The following CNKSR3 variants were observed in gnomAD, a reference collection of about 807,000 sequenced individuals.
CNKSR3 encodes the protein connector enhancer of kinase suppressor of ras 3.
CNKSR3 carries 36 observed loss-of-function variants against 67.7 expected under a neutral mutation model. The ratio of observed to expected loss-of-function variants is 0.53; its 90% CI spans 0.41 to 0.70. CNKSR3 has a LOEUF of 0.70. CNKSR3 is among the 30% of genes least tolerant of loss of function. CNKSR3 has a pLI of 0.00. For missense variants in CNKSR3, 630 were observed against 695.2 expected, an observed-to-expected ratio of 0.91 and a Z score of 1.05; for synonymous variants, 281 against 271.4, an observed-to-expected ratio of 1.04 and a Z score of -0.35.
chr6:154,483,048 A>G (rs1582895643), intron 1 of CNKSR3, among the ~76,000 whole-genome samples: 1 of 152,344 alleles, frequency 6.6e-6, no homozygotes, highest in South Asian at 2.1e-4. Context: ...GTCTGGTTCC[A>G]GAAGCTAAAC....
At chr6:154,473,919 G>T (rs906882897) in intron 1 of CNKSR3, among the ~76,000 whole-genome samples, 5 of 151,804 alleles carry the variant, frequency 3.3e-5, no homozygotes, top group Non-Finnish European at 7.4e-5. Flanking sequence ...CAAGTAGCTG[G>T]GATTACAGGC....
intron 1 of CNKSR3, among the ~76,000 whole-genome samples, chr6:154,507,932 C>G (rs1787135589): frequency 6.6e-6 from 1 of 152,154 alleles, no homozygotes; most frequent in South Asian, 2.1e-4. Flanking sequence ...TTCTCCTTTT[C>G]CAATCCCAAG....
In CNKSR3 at chr6:154,450,083, T is replaced by G. The variant is rs1356231538; in HGVS notation, c.216+12A>C. 5 of 1,612,898 alleles carry G rather than the reference T, an allele frequency of 3.1e-6. No homozygotes were observed. The Admixed American group carries it at 8.4e-5, about 27-fold the overall frequency. ...CGTCATCACGGTACAGACCGTCTTT[T>G]CCTGAACTAACCAGTGCACAGAGAA... is the stretch of plus-strand genomic sequence containing the variant. On this transcript the variant is annotated intron_variant, in intron 2 of 12. Transcript: ENST00000607772.
At chr6:154,459,154 G>GGAAA (rs1312406318) in intron 1 of CNKSR3, among the ~76,000 whole-genome samples, 2 of 150,514 alleles carry the variant, frequency 1.3e-5, no homozygotes, top group Non-Finnish European at 3.0e-5. Flanking sequence ...AAGAAAGAAA[G>GGAAA]GAAAGAAAGA....
intron 1 of CNKSR3, among the ~76,000 whole-genome samples, chr6:154,491,051 T>C (rs1200532766): frequency 6.6e-6 from 1 of 152,150 alleles, no homozygotes; most frequent in Non-Finnish European, 1.5e-5. Flanking sequence ...TTCTCCATGT[T>C]GGTCAGGCTG....
At chr6:154,455,579 G>A (rs1036816782) in intron 1 of CNKSR3, among the ~76,000 whole-genome samples, 39 of 151,078 alleles carry the variant, frequency 2.6e-4, no homozygotes, top group South Asian at 4.2e-4. Flanking sequence ...CCGCCAACAC[G>A]TCCAGCTAAT....
chr6:154,471,363 C>A (rs530449179), intron 1 of CNKSR3, among the ~76,000 whole-genome samples: 7 of 152,088 alleles, frequency 4.6e-5, no homozygotes, highest in Non-Finnish European at 1.0e-4. Context: ...CATGGTGAAA[C>A]CCCATCTCTA....
chr6:154,424,007 C>T (rs554554590), intron 7 of CNKSR3, among the ~76,000 whole-genome samples: 75 of 152,068 alleles, frequency 4.9e-4, no homozygotes, highest in African/African-American at 9.6e-4. Flanking sequence ...CCCAGGTGGG[C>T]GGATCACGAG....
chr6:154,490,076 A>C (rs1786756584), intron 1 of CNKSR3, among the ~76,000 whole-genome samples: 1 of 151,976 alleles, frequency 6.6e-6, no homozygotes, highest in African/African-American at 2.4e-5. Flanking sequence ...GCTCAGGTCA[A>C]TGTGTTAGTA....
rs1267198326 is a variant in CNKSR3 at position 154,400,033 on chromosome 6, T to A, written c.*6321A>T. 1 of 152,234 alleles carries A rather than the reference T, an allele frequency of 6.6e-6. No individual in the cohort carries two copies. Among genetic ancestry groups the A allele is most frequent in the South Asian group, 2.1e-4 (1 of 4,834 alleles). 9.4% of individuals were successfully genotyped at this position (152,234 alleles called of 1,614,324 possible). ...AGGAGAGAAAATGATGAGAATATCC[T>A]TATCCCTGGGTGTGAGGAGTAATTA... On this transcript the variant is annotated 3_prime_UTR_variant, in exon 13 of 13. Coordinates refer to ENST00000607772, the MANE Select transcript of CNKSR3 (RefSeq NM_173515.4).
chr6:154,441,445 TG>T (rs1471233044), intron 3 of CNKSR3, 66 bp from the exon 4 acceptor site: 4 of 1,183,566 alleles, frequency 3.4e-6, no homozygotes, highest in Non-Finnish European at 5.1e-6. Context: ...CACTGGATGT[TG>T]GTAAGCATAG....
rs773533317 is a variant in CNKSR3, at chr6:154,415,227, C to CTTTTTT, written c.946-805_946-804insAAAAAA. 7.8e-4 allele frequency among the ~76,000 whole-genome samples: 88 copies of CTTTTTT among 112,774 alleles called. 16 individuals carry two copies. The highest frequency in any genetic ancestry group is 1.1e-3 in the East Asian group (3 of 2,770). 74.0% of individuals were successfully genotyped at this position (112,774 alleles called of 152,430 possible). A position where few individuals can be genotyped will look rare whatever the true frequency, so the allele number is the denominator to read the frequency against. ...ATCCTGGCTAGACTTACTAGCTGCC[C>CTTTTTT]ATTTTTTTTTTTTTTTTTTTTAAGA... is the stretch of plus-strand genomic sequence containing the variant. On this transcript the variant is annotated intron_variant, in intron 9 of 12. Transcript: ENST00000607772.
Position 154,504,885 on chromosome 6 carries a change from CTAAA to C in CNKSR3, c.52+5174_52+5177del, listed in dbSNP as rs372687139. Among the ~76,000 whole-genome samples the C allele has an allele frequency of 8.9e-3, 1,345 of 151,578 alleles. 29 individuals carry two copies. Among genetic ancestry groups the C allele is most frequent in the African/African-American group, 0.031 (1,266 of 41,458 alleles). Reference sequence around the variant, plus strand: ...TAAAGAAGTTTTATAATGAGAGAGCCTAAATAAACACTTAGAACAGCGTCTGCCA... The same window carrying C: ...TAAAGAAGTTTTATAATGAGAGAGCCTAAACACTTAGAACAGCGTCTGCCA... On this transcript the variant is annotated intron_variant, in intron 1 of 12. Transcript: ENST00000607772.
chr6:154,426,067 C>G (rs951885964), intron 7 of CNKSR3, among the ~76,000 whole-genome samples: 4 of 152,182 alleles, frequency 2.6e-5, no homozygotes, highest in Non-Finnish European at 4.4e-5. Flanking sequence ...CATTCCAGGT[C>G]CTCAATAAAT....
intron 5 of CNKSR3, 41 bp from the exon 6 acceptor site, chr6:154,430,632 T>C: frequency 1.3e-6 from 2 of 1,573,324 alleles, no homozygotes; most frequent in Non-Finnish European, 1.7e-6. Context: ...GTTCAATCAT[T>C]AACCAAGTTT....
chr6:154,447,536 A>G (rs907903498), intron 2 of CNKSR3, among the ~76,000 whole-genome samples: 1 of 152,202 alleles, frequency 6.6e-6, no homozygotes, highest in African/African-American at 2.4e-5. Context: ...AATGTTCACA[A>G]AAGATGGTTT....
At chr6:154,495,637 A>T (rs1421915890) in intron 1 of CNKSR3, among the ~76,000 whole-genome samples, 1 of 151,970 alleles carries the variant, frequency 6.6e-6, no homozygotes, top group Non-Finnish European at 1.5e-5. Context: ...AGCCTCTCAA[A>T]GTGCTGGGAT....
At chr6:154,407,234 G>A (rs1262964515) in intron 12 of CNKSR3, among the ~76,000 whole-genome samples, 2 of 152,164 alleles carry the variant, frequency 1.3e-5, no homozygotes, top group East Asian at 1.9e-4. Context: ...GTGTCCCCGC[G>A]ATGGCTGAAC....
In CNKSR3 at chr6:154,405,019, GA is replaced by G. The variant is rs1319259439; in HGVS notation, c.*1334del. The stretch of plus-strand genomic sequence containing the variant: ...AAACTCAACAATTCCGGTGGTATGA[GA>G]AAGGGCATTTTGGAGTAGGAGATTT... On this transcript the variant is annotated 3_prime_UTR_variant, in exon 13 of 13. Transcript: ENST00000607772. 1.3e-5 allele frequency: 2 copies of G among 152,194 alleles called. No homozygotes were observed. Among genetic ancestry groups the G allele is most frequent in the Non-Finnish European group, 2.9e-5 (2 of 68,030 alleles). 9.4% of individuals were successfully genotyped at this position (152,194 alleles called of 1,614,324 possible).
Sources: allele counts gnomAD v4.1 joint callset (sites outside exome capture counted in the v4.1 genomes callset), GRCh38; gene constraint gnomAD v4.1.1; transcripts MANE v1.5; gene names NCBI Gene and HGNC (gene_info 2026-07-23, HGNC 2026-07-21).